The following RRN3 variants were observed in gnomAD, a reference collection of about 807,000 sequenced individuals.
RRN3 encodes RNA polymerase I-specific transcription initiation factor RRN3.
RRN3 carries 38 observed loss-of-function variants against 82.3 expected under a neutral mutation model. The ratio of observed to expected loss-of-function variants is 0.46; its 90% CI spans 0.36 to 0.61. The LOEUF is 0.61. Among genes scored for constraint, RRN3 ranks in the 20% least tolerant of loss-of-function variants. The probability of loss-of-function intolerance (pLI) is 0.00; values close to 1 mark genes in which losing one functional copy is unlikely to be tolerated. For synonymous variants in RRN3, 284 were observed against 284.3 expected (o/e 1.00, Z 0.01); for missense variants, 726 against 793.1 (o/e 0.92, Z 1.02).
chr16:15,062,649 C>A (rs2044760990), intron 17 of RRN3, among the ~76,000 whole-genome samples: 1 of 152,168 alleles, frequency 6.6e-6, no homozygotes, highest in African/African-American at 2.4e-5. Context: ...GCAATTTCAA[C>A]ATGAGTCAAC....
intron 9 of RRN3, among the ~76,000 whole-genome samples, chr16:15,077,567 T>C (rs2045514037): frequency 1.3e-5 from 2 of 152,126 alleles, no homozygotes; most frequent in African/African-American, 4.8e-5. Context: ...TTTGGCCAGG[T>C]GCAGTGGCTC....
Position 15,065,252 on chromosome 16 carries a change from G to A in RRN3, c.1673C>T (p.Thr558Ile), listed in dbSNP as rs376645872. 5 of 1,613,714 alleles carry A rather than the reference G, an allele frequency of 3.1e-6. No individual in the cohort carries two copies. The highest frequency in any genetic ancestry group is 3.3e-5 in the Admixed American group (2 of 59,972). ...CACACAGGGATCAAAGGGGAAGAAG[G>A]TGTCCAGCGGGTTTGTGCAGATCTG... is the stretch of plus-strand genomic sequence containing the variant. ...SVQICTNPLDTFFPFDPCVLK... is the reference protein window; with the variant it reads ...SVQICTNPLDIFFPFDPCVLK... The change falls in exon 16 of 18, where the codon ACC (threonine) becomes ATC (isoleucine). Residue 558 changes from threonine (T) to isoleucine (I), a missense_variant. By Grantham distance (89) the Thr-to-Ile change is moderately conservative (BLOSUM62 -1). Around this residue, in one of 4 missense-constraint regions of RRN3, gnomAD observed 166 missense variants for 154.8 expected, o/e 1.07. Transcript: ENST00000198767.
At chr16:15,071,272 G>A (rs771287993) in intron 12 of RRN3, 21 bp from the exon 13 acceptor site, 28 of 1,580,012 alleles carry the variant, frequency 1.8e-5, no homozygotes, top group South Asian at 9.3e-5. Context: ...AGAGGGCGTC[G>A]GTGTGATCTT....
chr16:15,078,814 T>G (rs1353291806), intron 9 of RRN3, among the ~76,000 whole-genome samples: 1 of 22,998 alleles, frequency 4.3e-5, no homozygotes, highest in East Asian at 7.7e-4. Flanking sequence ...ATTTTTTTCT[T>G]TTTTTTTTTT....
At chr16:15,084,552 C>A (rs374773333) in intron 7 of RRN3, 90 bp downstream of exon 7, 1 of 929,032 alleles carries the variant, frequency 1.1e-6, no homozygotes, top group Non-Finnish European at 1.7e-6. Flanking sequence ...AAGACTCAAG[C>A]TTTAATACTA....
chr16:15,093,140 G>C (rs2151830728), intron 1 of RRN3, among the ~76,000 whole-genome samples: 1 of 152,174 alleles, frequency 6.6e-6, no homozygotes, highest in South Asian at 2.1e-4. Flanking sequence ...GAGTAGCTGG[G>C]ATTACAGGCA....
At chr16:15,077,256 G>A (rs2045499412) in intron 9 of RRN3, among the ~76,000 whole-genome samples, 1 of 152,038 alleles carries the variant, frequency 6.6e-6, no homozygotes, top group South Asian at 2.1e-4. Flanking sequence ...TGGAATTACA[G>A]GCATGAGCCA....
At chr16:15,085,605 A>G (rs753121824) in intron 6 of RRN3, 34 bp downstream of exon 6, 1 of 1,603,620 alleles carries the variant, frequency 6.2e-7, no homozygotes, top group Admixed American at 1.7e-5. Flanking sequence ...GGTGAAAGCT[A>G]CTGTGCCCAG....
intron 17 of RRN3, among the ~76,000 whole-genome samples, chr16:15,062,477 T>TC (rs533934065): frequency 7.2e-4 from 109 of 152,304 alleles, no homozygotes; most frequent in African/African-American, 2.5e-3. Context: ...ACAAATGTGC[T>TC]CCCAAGCAAC....
intron 12 of RRN3, among the ~76,000 whole-genome samples, chr16:15,072,436 G>A (rs919370443): frequency 9.2e-5 from 14 of 152,146 alleles, no homozygotes; most frequent in African/African-American, 3.4e-4. Flanking sequence ...GTGACCAAAA[G>A]GCAGGATGAC....
chr16:15,066,256 A>G (rs2044967511), intron 15 of RRN3, among the ~76,000 whole-genome samples: 1 of 152,170 alleles, frequency 6.6e-6, no homozygotes, highest in Non-Finnish European at 1.5e-5. Flanking sequence ...TGCATCTCCT[A>G]CAACCCCGCA....
intron 15 of RRN3, among the ~76,000 whole-genome samples, chr16:15,067,935 T>G (rs2045047124): frequency 6.6e-6 from 1 of 151,888 alleles, no homozygotes; most frequent in Admixed American, 6.6e-5. Flanking sequence ...TTTTTAAAAT[T>G]TTTTTGTAGA....
At chr16:15,069,951 T>C in intron 14 of RRN3, 119 bp downstream of exon 14, 3 of 1,456,002 alleles carry the variant, frequency 2.1e-6, no homozygotes, top group East Asian at 2.3e-5. Context: ...AAAGTTTGAG[T>C]GCACATGCAG....
intron 11 of RRN3, 135 bp from the exon 12 acceptor site, chr16:15,073,215 C>G (rs965049657): frequency 1.9e-6 from 2 of 1,026,486 alleles, no homozygotes; most frequent in Non-Finnish European, 2.9e-6. Flanking sequence ...CCTGCAATCC[C>G]AGCACTTTGG....
chr16:15,063,800 C>G (rs1306110503), intron 16 of RRN3, among the ~76,000 whole-genome samples: 3 of 151,762 alleles, frequency 2.0e-5, no homozygotes, highest in Non-Finnish European at 2.9e-5. Context: ...AGAGTTCATT[C>G]ACTCATGTCG....
chr16:15,075,593 G>A (rs201238865), intron 10 of RRN3, among the ~76,000 whole-genome samples: 1 of 22,374 alleles, frequency 4.5e-5, no homozygotes, highest in African/African-American at 7.0e-5. Context: ...AGAAAGAAAA[G>A]AAAGAAAGAA....
At chr16:15,066,640 A>C (rs556250750) in intron 15 of RRN3, among the ~76,000 whole-genome samples, 1 of 151,236 alleles carries the variant, frequency 6.6e-6, no homozygotes, top group Non-Finnish European at 1.5e-5. Context: ...CTCAAATAAA[A>C]AAAAAAAAAA....
intron 6 of RRN3, 37 bp downstream of exon 6, chr16:15,085,602 G>A (rs371739855): frequency 1.0e-4 from 168 of 1,602,268 alleles, no homozygotes; most frequent in Non-Finnish European, 1.3e-4. Flanking sequence ...ATGGGTGAAA[G>A]CTACTGTGCC....
chr16:15,080,532 T>G (rs1288533682), intron 8 of RRN3, among the ~76,000 whole-genome samples: 1 of 152,194 alleles, frequency 6.6e-6, no homozygotes, highest in East Asian at 1.9e-4. Flanking sequence ...ATTCCCAGGA[T>G]AAGCAATCCT....
Sources: gnomAD v4.1 joint callset for allele counts (sites outside exome capture counted in the v4.1 genomes callset) on GRCh38, gnomAD v4.1.1 for gene constraint, gnomAD v4.1.1 regional missense constraint, MANE v1.5 for transcripts, NCBI Gene and HGNC (gene_info 2026-07-23, HGNC 2026-07-21) for gene names.